SHISA9: variants seen among roughly 807,000 people sequenced by gnomAD.
SHISA9 encodes the protein protein shisa-9.
In SHISA9, 13 loss-of-function variants were observed where a neutral mutation model predicts 38.0. That is an observed-to-expected ratio of 0.34 (90% CI 0.22 to 0.54). The LOEUF (loss-of-function observed/expected upper bound fraction) is 0.54. SHISA9 is among the 20% of genes least tolerant of loss of function. The pLI is 0.91. For synonymous variants in SHISA9, 275 were observed against 242.0 expected (o/e 1.14, Z -1.27); for missense variants, 538 against 575.8 (o/e 0.93, Z 0.67).
the SHISA9 span, among the ~76,000 whole-genome samples, chr16:13,306,862 C>G: frequency 6.6e-5 from 10 of 152,146 alleles, no homozygotes; most frequent in African/African-American, 2.2e-4. Context: ...CACACACACC[C>G]ATACACGTAT....
chr16:13,173,951 G>T (rs1410659898), intron 2 of SHISA9, among the ~76,000 whole-genome samples: 3 of 152,062 alleles, frequency 2.0e-5, no homozygotes, highest in African/African-American at 7.2e-5. Context: ...GGTGTTCTGG[G>T]AAACTTAATG....
Position 13,074,236 on chromosome 16 carries a change from C to T in SHISA9, c.692-129158C>T, listed in dbSNP as rs2017835886. 2.0e-5 allele frequency among the ~76,000 whole-genome samples: 3 copies of T among 152,228 alleles called. 1 individual carries two copies. In the South Asian group the frequency reaches 6.2e-4, roughly 32 times the overall value. Reference sequence around the variant, plus strand: ...CCACCCCCCTCGGCCTCCCAAAGTGCTGAGATTACGGGCATGAGCCACCAT... The same window carrying T: ...CCACCCCCCTCGGCCTCCCAAAGTGTTGAGATTACGGGCATGAGCCACCAT... On this transcript the variant is annotated intron_variant, in intron 2 of 4. Transcript: ENST00000558583.
intron 2 of SHISA9, among the ~76,000 whole-genome samples, chr16:12,979,212 A>G (rs2072208413): frequency 6.6e-6 from 1 of 152,088 alleles, no homozygotes; most frequent in Non-Finnish European, 1.5e-5. Flanking sequence ...TCACTCTGAT[A>G]GATCCTTACA....
chr16:13,435,032 A>G, the SHISA9 span, among the ~76,000 whole-genome samples: 2 of 152,334 alleles, frequency 1.3e-5, no homozygotes, highest in Non-Finnish European at 2.9e-5. Flanking sequence ...GTGTGACAAG[A>G]TTTCAGCCCT....
chr16:12,956,128 A>G (rs1203527990), intron 2 of SHISA9, among the ~76,000 whole-genome samples: 1 of 152,244 alleles, frequency 6.6e-6, no homozygotes, highest in African/African-American at 2.4e-5. Flanking sequence ...AAGAAATACA[A>G]GTAGCCAATA....
At chr16:13,056,910 C>T (rs1054217800) in intron 2 of SHISA9, among the ~76,000 whole-genome samples, 6 of 152,192 alleles carry the variant, frequency 3.9e-5, no homozygotes, top group Non-Finnish European at 7.3e-5. Flanking sequence ...AGAAAGTAGA[C>T]ACAGCGGGGC....
intron 2 of SHISA9, among the ~76,000 whole-genome samples, chr16:13,005,892 G>A (rs1430553729): frequency 2.0e-5 from 3 of 152,182 alleles, no homozygotes; most frequent in South Asian, 2.1e-4. Context: ...GCCACATGGC[G>A]GTTCTTGGGT....
At chr16:13,321,170 C>T in the SHISA9 span, among the ~76,000 whole-genome samples, 19 of 152,204 alleles carry the variant, frequency 1.2e-4, no homozygotes, top group African/African-American at 4.6e-4. Flanking sequence ...AATGCAACCA[C>T]GATTCCCATA....
the SHISA9 span, among the ~76,000 whole-genome samples, chr16:13,262,955 T>A: frequency 6.6e-6 from 1 of 152,154 alleles, no homozygotes; most frequent in Non-Finnish European, 1.5e-5. Context: ...CATTCCCACT[T>A]CATACATAGA....
chr16:13,118,257 C>A (rs2074050803), intron 2 of SHISA9, among the ~76,000 whole-genome samples: 1 of 150,440 alleles, frequency 6.6e-6, no homozygotes, highest in African/African-American at 2.4e-5. Context: ...TCTAGCTGGT[C>A]AAGGTTGTGA....
chr16:13,468,275 A>G, the SHISA9 span, among the ~76,000 whole-genome samples: 1 of 152,166 alleles, frequency 6.6e-6, no homozygotes, highest in Non-Finnish European at 1.5e-5. Context: ...ACAACTATTG[A>G]CTGAGTTCTG....
chr16:13,037,364 TTC>T (rs2073086947), intron 2 of SHISA9, among the ~76,000 whole-genome samples: 1 of 152,050 alleles, frequency 6.6e-6, no homozygotes, highest in Non-Finnish European at 1.5e-5. Flanking sequence ...GCTTTTTTTT[TTC>T]TCTCTCTCGG....
chr16:13,536,309 T>C, the SHISA9 span, among the ~76,000 whole-genome samples: 1 of 152,202 alleles, frequency 6.6e-6, no homozygotes, highest in Non-Finnish European at 1.5e-5. Flanking sequence ...CGTTTGTTTT[T>C]CTATCTGCCT....
chr16:13,383,646 ATATT>A, the SHISA9 span, among the ~76,000 whole-genome samples: 4 of 152,016 alleles, frequency 2.6e-5, no homozygotes, highest in Non-Finnish European at 5.9e-5. Flanking sequence ...CACCAACCTA[ATATT>A]TATTTATTTA....
At chr16:12,997,437 C>T (rs555247467) in intron 2 of SHISA9, among the ~76,000 whole-genome samples, 4 of 144,534 alleles carry the variant, frequency 2.8e-5, no homozygotes, top group South Asian at 4.4e-4. Context: ...TAGACAGTCT[C>T]GCTCTGTTGG....
chr16:13,359,914 G>A, the SHISA9 span, among the ~76,000 whole-genome samples: 1 of 152,150 alleles, frequency 6.6e-6, no homozygotes, highest in African/African-American at 2.4e-5. Flanking sequence ...ATGTTGAGCT[G>A]GTCCCCCAAG....
the SHISA9 span, among the ~76,000 whole-genome samples, chr16:13,466,584 T>TA: frequency 1.1e-4 from 16 of 151,926 alleles, no homozygotes; most frequent in African/African-American, 2.7e-4. Context: ...GTTGTTTTTT[T>TA]AAAAAAAGTA....
intron 2 of SHISA9, among the ~76,000 whole-genome samples, chr16:12,918,100 G>A (rs537125923): frequency 2.0e-5 from 3 of 152,208 alleles, no homozygotes; most frequent in East Asian, 3.9e-4. Flanking sequence ...AACATTATTA[G>A]TGAACTGGAT....
chr16:12,980,696 G>C (rs1475723059), intron 2 of SHISA9, among the ~76,000 whole-genome samples: 1 of 151,150 alleles, frequency 6.6e-6, no homozygotes, highest in Non-Finnish European at 1.5e-5. Context: ...TTTGACGTTA[G>C]TGTTTCTCTT....
Sources: gnomAD v4.1 joint callset for allele counts (sites outside exome capture counted in the v4.1 genomes callset) on GRCh38, gnomAD v4.1.1 for gene constraint, MANE v1.5 for transcripts, NCBI Gene and HGNC (gene_info 2026-07-23, HGNC 2026-07-21) for gene names.